KRT76: variants seen among roughly 807,000 people sequenced by gnomAD.
KRT76 encodes keratin 76.
Under a neutral mutation model 44.9 loss-of-function variants are expected in KRT76, and 47 were observed. That is an observed-to-expected ratio of 1.05 (90% confidence interval 0.83 to 1.33). The LOEUF is 1.33. Among genes scored for constraint, KRT76 ranks in the 40% most tolerant of loss-of-function variants. The pLI is 0.00. For synonymous variants in KRT76, 331 were observed against 294.1 expected (o/e 1.13, Z -1.28); for missense variants, 860 against 775.8 (o/e 1.11, Z -1.29).
chr12:52,771,829 C>T, intron 6 of KRT76, 42 bp downstream of exon 6: 1 of 1,595,156 alleles, frequency 6.3e-7, no homozygotes, highest in Non-Finnish European at 8.6e-7. Flanking sequence ...CTCTCCGGGG[C>T]CCAGAAGACC....
chr12:52,770,902 C>G, intron 7 of KRT76, 97 bp downstream of exon 7: 1 of 1,507,132 alleles, frequency 6.6e-7, no homozygotes, highest in Non-Finnish European at 9.1e-7. Context: ...TGCCCTTTGT[C>G]TTAGTGTTCC....
At position 52,776,548 on chromosome 12, in the gene KRT76, A is replaced by G. The variant is rs1301482923; in HGVS notation, c.600+144T>C. ...AGGCCCAAAAAGTGAAAGGGGCATG[A>G]TCACTGTCCTGTAGGGACCAAGACA... On this transcript the variant is annotated intron_variant, in intron 1 of 8. Coordinates refer to ENST00000332411, the MANE Select transcript of KRT76 (RefSeq NM_015848.4). 2.3e-6 allele frequency: 3 copies of G among 1,306,292 alleles called. No individual in the cohort carries two copies. The African/African-American group carries it at 4.5e-5, about 19-fold the overall frequency. The allele number at this position is 1,306,292 out of a possible 1,614,324, so 80.9% of individuals were successfully genotyped here.
rs148421734 is a variant in KRT76 at position 52,776,881 on chromosome 12, A to G, written c.411T>C (p.Pro137=). Residue 137 remains proline, a synonymous_variant, in exon 1 of 9, where the codon CCT becomes CCC. Transcript: ENST00000332411. The part of the protein sequence containing the change: ...GFGGPGVFGG[P]GSFGGPGGFG... ...AGCCACCAGGACCACCAAAGCTGCC[A>G]GGCCCACCAAATACACCAGGACCAC... The G allele has an allele frequency of 1.7e-5, 27 of 1,612,098 alleles. No individual in the cohort carries two copies. The highest frequency in any genetic ancestry group is 1.6e-4 in the African/African-American group (12 of 74,792).
Position 52,769,548 on chromosome 12 carries a change from C to T in KRT76, c.1519+1G>A, listed in dbSNP as rs1939147279. 6.2e-7 allele frequency: 1 copy of T among 1,613,780 alleles called. No homozygotes were observed. ...GAGGGTTTTTTGAATGGGCTACTTA[C>T]AAATGCACACGGCACTCTGACATTC... is the stretch of plus-strand genomic sequence containing the variant. On this transcript the variant is annotated splice_donor_variant, in intron 8 of 8. Coordinates refer to ENST00000332411, the MANE Select transcript of KRT76 (RefSeq NM_015848.4). LOFTEE classifies it high-confidence loss of function.
rs1939127324 is a variant in KRT76 at position 52,768,649 on chromosome 12, G to T, written c.*64C>A. 10 of 1,520,562 alleles carry T rather than the reference G, an allele frequency of 6.6e-6. No homozygotes were observed. The Admixed American group carries it at 1.3e-4, about 20-fold the overall frequency. 94.2% of individuals were successfully genotyped at this position (1,520,562 alleles called of 1,614,324 possible). ...TATGCATCTATTGATGCCAAGCAGA[G>T]AGTGGGAAACACTATTGCAGGCTGA... is the stretch of plus-strand genomic sequence containing the variant. On this transcript the variant is annotated 3_prime_UTR_variant, in exon 9 of 9. Coordinates refer to ENST00000332411, the MANE Select transcript of KRT76 (RefSeq NM_015848.4).
chr12:52,769,006 T>TATG lies in KRT76; in HGVS notation c.1623_1624insCAT (p.Ser541_Ser542insHis). 1 of 918,780 alleles carries TATG rather than the reference T, an allele frequency of 1.1e-6. No homozygotes were observed. The highest frequency in any genetic ancestry group is 1.8e-6 in the Non-Finnish European group (1 of 567,784). 56.9% of individuals were successfully genotyped at this position (918,780 alleles called of 1,614,324 possible). A position where few individuals can be genotyped will look rare whatever the true frequency, so the allele number is the denominator to read the frequency against. Reference sequence around the variant, plus strand: ...CCATAGCCACTGCTGCTGCTGCTGCTGCTGCCGCCTTTGTAGCCACCACTG... The same window carrying TATG: ...CCATAGCCACTGCTGCTGCTGCTGCTATGGCTGCCGCCTTTGTAGCCACCACTG... On this transcript the variant is annotated inframe_insertion, in exon 9 of 9. Coordinates refer to ENST00000332411, the MANE Select transcript of KRT76 (RefSeq NM_015848.4).
chr12:52,775,678 T>G, intron 1 of KRT76, 76 bp from the exon 2 acceptor site: 1 of 1,134,958 alleles, frequency 8.8e-7, no homozygotes, highest in South Asian at 1.4e-5. Context: ...AATGTAGAAC[T>G]GTGGAGAAGG....
rs570281725 is a variant in KRT76 at position 52,769,966 on chromosome 12, A to T, written c.1485-383T>A. Among the ~76,000 whole-genome samples the T allele has an allele frequency of 8.5e-5, 13 of 152,198 alleles. No individual in the cohort carries two copies. The South Asian group carries it at 2.7e-3, about 32-fold the overall frequency. On this transcript the variant is annotated intron_variant, in intron 7 of 8. Coordinates refer to ENST00000332411, the MANE Select transcript of KRT76 (RefSeq NM_015848.4). ...TTTTATTTCCAATTCTGCCTTTCCA[A>T]GAAGGCTTCCACAATGGGCCCTCCT...
intron 5 of KRT76, 27 bp from the exon 6 acceptor site, chr12:52,772,023 G>A (rs1939190780): frequency 1.9e-6 from 3 of 1,611,384 alleles, no homozygotes; most frequent in Non-Finnish European, 8.5e-7. Flanking sequence ...CAATCAACGT[G>A]GCTTTTGCAA....
At chr12:52,769,672 C>A in intron 7 of KRT76, 89 bp from the exon 8 acceptor site, 4 of 1,128,380 alleles carry the variant, frequency 3.5e-6, no homozygotes, top group Non-Finnish European at 5.4e-6. Flanking sequence ...CCACGCCCTC[C>A]CATTTGCCCC....
At chr12:52,773,792 C>A in intron 2 of KRT76, 150 bp from the exon 3 acceptor site, 1 of 504,222 alleles carries the variant, frequency 2.0e-6, no homozygotes, top group Non-Finnish European at 3.6e-6. Flanking sequence ...TCAGGGTCCT[C>A]ACACTTAGCT....
Position 52,775,398 on chromosome 12 carries a change from A to G in KRT76, c.805T>C (p.Phe269Leu). 1.9e-6 allele frequency: 3 copies of G among 1,614,126 alleles called. No homozygotes were observed. Among genetic ancestry groups the G allele is most frequent in the Non-Finnish European group, 2.5e-6 (3 of 1,179,974 alleles). The change falls in exon 2 of 9, where the codon TTC becomes CTC. Residue 269 changes from phenylalanine to leucine, a missense_variant. Coordinates refer to ENST00000332411, the MANE Select transcript of KRT76 (RefSeq NM_015848.4). ...AGGAGGAGCCCTCACTTCTTTTTGAAGTCTTCCACCAGGTCCTGCATGCTT... is the reference window on the plus strand; with the variant it reads ...AGGAGGAGCCCTCACTTCTTTTTGAGGTCTTCCACCAGGTCCTGCATGCTT... ...LKSMQDLVED[F>L]KKKYEDEINK... is the part of the protein sequence containing the mutation.
In KRT76 at chr12:52,772,232, G is replaced by C; in HGVS notation, c.999C>G (p.Ala333=). The change falls in exon 5 of 9, where the codon GCC becomes GCG. Residue 333 remains alanine (A), a synonymous_variant. Transcript: ENST00000332411. ...EMELSQMQSH[A]SDTSVVLSMD... ...TGGACAGAACCACAGACGTGTCACT[G>C]GCATGGCTTTGCATCTGGGACAGCT... 3 of 1,606,948 alleles carry C rather than the reference G, an allele frequency of 1.9e-6. No homozygotes were observed. The highest frequency in any genetic ancestry group is 2.6e-6 in the Non-Finnish European group (3 of 1,176,454).
Position 52,772,718 on chromosome 12 carries a change from C to T in KRT76, c.972+65G>A. On this transcript the variant is annotated intron_variant, in intron 4 of 8. Coordinates refer to ENST00000332411, the MANE Select transcript of KRT76 (RefSeq NM_015848.4). ...GTGAGTGTTGTGCTGTTTGGCTGTCCCCTAAAGTTATGCTTGGGAAGAATC... is the reference window on the plus strand; with the variant it reads ...GTGAGTGTTGTGCTGTTTGGCTGTCTCCTAAAGTTATGCTTGGGAAGAATC... 6.0e-6 allele frequency: 7 copies of T among 1,161,136 alleles called. 1 individual carries two copies. The South Asian group carries it at 8.6e-5, about 14-fold the overall frequency. 71.9% of individuals were successfully genotyped at this position (1,161,136 alleles called of 1,614,324 possible). A position where few individuals can be genotyped will look rare whatever the true frequency, so the allele number is the denominator to read the frequency against.
rs773774330 is a variant in KRT76 at position 52,768,677 on chromosome 12, G to A, written c.*36C>T. On this transcript the variant is annotated 3_prime_UTR_variant, in exon 9 of 9. Transcript: ENST00000332411. The stretch of plus-strand genomic sequence containing the variant: ...TGGGAAACACTATTGCAGGCTGAGT[G>A]GGAAGCAGGTGGTTATAGAGATTTG... 3.2e-6 allele frequency: 5 copies of A among 1,558,800 alleles called. No individual in the cohort carries two copies. The South Asian group carries it at 4.8e-5, about 15-fold the overall frequency.
chr12:52,776,868 C>T lies in KRT76; in HGVS notation c.424G>A (p.Gly142Ser). 5.6e-6 allele frequency: 9 copies of T among 1,612,708 alleles called. No individual in the cohort carries two copies. The highest frequency in any genetic ancestry group is 3.4e-5 in the Admixed American group (2 of 59,642). Reference sequence around the variant, plus strand: ...CCCCCAGGGCCAAAGCCACCAGGACCACCAAAGCTGCCAGGCCCACCAAAT... The same window carrying T: ...CCCCCAGGGCCAAAGCCACCAGGACTACCAAAGCTGCCAGGCCCACCAAAT... ...GVFGGPGSFG[G>S]PGGFGPGGFP... is the part of the protein sequence containing the mutation. Residue 142 changes from glycine (G) to serine (S), a missense_variant, in exon 1 of 9, where the codon GGT (glycine) becomes AGT (serine). By Grantham distance (56) the Gly-to-Ser change is moderately conservative. Coordinates refer to ENST00000332411, the MANE Select transcript of KRT76 (RefSeq NM_015848.4).
intron 6 of KRT76, 64 bp downstream of exon 6, chr12:52,771,807 C>T: frequency 6.4e-7 from 1 of 1,562,822 alleles, no homozygotes; most frequent in Non-Finnish European, 8.7e-7. Flanking sequence ...AGGAGCAGAG[C>T]TTATGCTGCT....
chr12:52,777,321 T>C lies in KRT76; in HGVS notation c.-30A>G, dbSNP rs150806107. On this transcript the variant is annotated 5_prime_UTR_variant, in exon 1 of 9. Transcript: ENST00000332411. ...AGAGAGCTTGGAGGCAAGCTAGTGA[T>C]CACTTAGCAAGAGCTGAGAGGGATA... The C allele has an allele frequency of 2.0e-4, 316 of 1,612,782 alleles. 1 individual carries two copies. In the East Asian group the frequency reaches 6.1e-3, roughly 31 times the overall value.
Position 52,772,877 on chromosome 12 carries a change from T to A in KRT76, c.878A>T (p.Asp293Val). Residue 293 changes from aspartate to valine, a missense_variant and splice_region_variant, in exon 4 of 9, where the codon GAT becomes GTT. Coordinates refer to ENST00000332411, the MANE Select transcript of KRT76 (RefSeq NM_015848.4). ...CTTGTTCATGAAAGCCGCATCCACA[T>A]CCTGCAGAGGAGGTCAGAAACCCAG... ...AENEFVGLKK[D>V]VDAAFMNKVE... The A allele has an allele frequency of 1.9e-6, 3 of 1,613,164 alleles. No individual in the cohort carries two copies. The highest frequency in any genetic ancestry group is 2.5e-6 in the Non-Finnish European group (3 of 1,179,126).
Sources: allele counts gnomAD v4.1 joint callset (sites outside exome capture counted in the v4.1 genomes callset), GRCh38; gene constraint gnomAD v4.1.1; transcripts MANE v1.5; gene names NCBI Gene and HGNC (gene_info 2026-07-23, HGNC 2026-07-21).